The following DOP1B variants were observed in gnomAD, a reference collection of about 807,000 sequenced individuals.
The protein encoded by DOP1B is protein DOP1B.
A neutral mutation model predicts 233.5 loss-of-function variants in DOP1B; 174 were observed. The observed-to-expected ratio is 0.75, with a 90% CI of 0.66 to 0.85. DOP1B has a LOEUF of 0.85. Ranked by LOEUF, DOP1B falls within the 40% of genes least tolerant of loss-of-function variation. The pLI, the probability that DOP1B is intolerant of heterozygous loss-of-function variation, is 0.00. For missense variants in DOP1B, 2,652 were observed against 2,846.6 expected (o/e 0.93, Z 1.56); for synonymous variants, 1,190 against 1,185.6 (o/e 1.00, Z -0.08).
rs1601482701 is a variant in DOP1B, at chr21:36,284,230, A to G, written c.6160+2619A>G. Among the ~76,000 whole-genome samples, 4 of 144,908 alleles carry G rather than the reference A, an allele frequency of 2.8e-5. No individual in the cohort carries two copies. In the South Asian group the frequency reaches 8.7e-4, roughly 32 times the overall value. On this transcript the variant is annotated intron_variant, in intron 32 of 36. Coordinates refer to ENST00000691173, the MANE Select transcript of DOP1B (RefSeq NM_001320714.2). The stretch of plus-strand genomic sequence containing the variant: ...CTCCCAAAGTGCTGGGATTACAGGC[A>G]TGAGCCACCGTGGCCAACCACCTGT...
chr21:36,227,997 A>G lies in DOP1B; in HGVS notation c.1665+120A>G. 4 of 982,454 alleles carry G rather than the reference A, an allele frequency of 4.1e-6. No individual in the cohort carries two copies. The South Asian group carries it at 8.7e-5, about 21-fold the overall frequency. The allele number at this position is 982,454 out of a possible 1,614,324, so 60.9% of individuals were successfully genotyped here. On this transcript the variant is annotated intron_variant, in intron 13 of 36. Transcript: ENST00000691173. ...ATAAAGATGAGAAGATACCCAGGTG[A>G]TATGTCAAATATGCTTGTAAAACCC... is the stretch of plus-strand genomic sequence containing the variant.
chr21:36,228,387 T>C (rs12627576), intron 13 of DOP1B, among the ~76,000 whole-genome samples: 51,317 of 150,518 alleles, frequency 0.34, 9,923 homozygotes, highest in East Asian at 0.55. Flanking sequence ...CTCTTGAACC[T>C]GGGAGGCGGA....
At chr21:36,288,300 CAG>C (rs2067512636) in intron 33 of DOP1B, 150 bp downstream of exon 33, 1 of 739,606 alleles carries the variant, frequency 1.4e-6, no homozygotes, top group Non-Finnish European at 2.1e-6. Context: ...CTTGGTTAAA[CAG>C]AGAATATTTT....
At chr21:36,278,576 G>C (rs892244192) in intron 30 of DOP1B, among the ~76,000 whole-genome samples, 1 of 152,070 alleles carries the variant, frequency 6.6e-6, no homozygotes, top group Non-Finnish European at 1.5e-5. Flanking sequence ...CAGAGAGCAT[G>C]TTATTTCCTG....
chr21:36,218,550 TAAAAA>T (rs1012781829), intron 9 of DOP1B, among the ~76,000 whole-genome samples: 3 of 151,858 alleles, frequency 2.0e-5, no homozygotes, highest in Non-Finnish European at 4.4e-5. Flanking sequence ...AATTCTATCT[TAAAAA>T]AAATACACAG....
At chr21:36,182,665 C>G (rs2066114232) in intron 2 of DOP1B, among the ~76,000 whole-genome samples, 1 of 152,116 alleles carries the variant, frequency 6.6e-6, no homozygotes, top group East Asian at 1.9e-4. Flanking sequence ...CCCATCTCTA[C>G]AAAAAAAGTT....
At chr21:36,158,851 G>A (rs1376586731) in intron 1 of DOP1B, among the ~76,000 whole-genome samples, 2 of 151,578 alleles carry the variant, frequency 1.3e-5, no homozygotes, top group Non-Finnish European at 2.9e-5. Flanking sequence ...CATAAGGCCA[G>A]GTGCAGTGGC....
In DOP1B at chr21:36,237,411, C is replaced by A. The variant is rs370218700; in HGVS notation, c.2772C>A (p.Asp924Glu). The A allele has an allele frequency of 4.3e-6, 7 of 1,613,852 alleles. No homozygotes were observed. Among genetic ancestry groups the A allele is most frequent in the Non-Finnish European group, 5.9e-6 (7 of 1,180,036 alleles). Residue 924 changes from aspartate to glutamate, a missense_variant, in exon 16 of 37, where the codon GAC (aspartate) becomes GAA (glutamate). Asp to Glu is a conservative substitution (Grantham distance 45). This residue lies in a region of DOP1B where 2,617 missense variants were observed against 2,794.3 expected (regional missense o/e 0.94). Transcript: ENST00000691173. ...TCTGCCATGCCCTCCTGGACCCTGA[C>A]AAGGTGAGCCTTTCTGGCCGCCACC... Reference protein sequence around the residue: ...DIICHALLDPDKGTRLEALFR... With the variant: ...DIICHALLDPEKGTRLEALFR...
intron 5 of DOP1B, among the ~76,000 whole-genome samples, chr21:36,209,517 C>T (rs1601413572): frequency 1.3e-5 from 2 of 152,350 alleles, no homozygotes; most frequent in East Asian, 1.9e-4. Context: ...AGAGGGTCTG[C>T]TGCATTGGCG....
rs777399386 is a variant in DOP1B at position 36,238,677 on chromosome 21, C to T, written c.2852C>T (p.Thr951Ile). The T allele has an allele frequency of 4.3e-5, 69 of 1,614,120 alleles. No homozygotes were observed. The highest frequency in any genetic ancestry group is 5.7e-5 in the Non-Finnish European group (67 of 1,180,054). Residue 951 changes from threonine to isoleucine, a missense_variant, in exon 17 of 37, where the codon ACA becomes ATA. Around this residue, in one of 3 missense-constraint regions of DOP1B, gnomAD observed 2,617 missense variants for 2,794.3 expected, o/e 0.94. Coordinates refer to ENST00000691173, the MANE Select transcript of DOP1B (RefSeq NM_001320714.2). ...AGAGAGATCCAAGGCAGTCGAGTAA[C>T]ATCTCACAATCGCTCCTTTGATAGG... ...LTREIQGSRVTSHNRSFDRSL... is the reference protein window; with the variant it reads ...LTREIQGSRVISHNRSFDRSL...
At chr21:36,177,629 C>T (rs1028030684) in intron 2 of DOP1B, among the ~76,000 whole-genome samples, 2 of 152,054 alleles carry the variant, frequency 1.3e-5, no homozygotes, top group Non-Finnish European at 2.9e-5. Context: ...AGTTACTCGA[C>T]GTATGGATTA....
chr21:36,293,221 G>A (rs895172531), intron 36 of DOP1B, 99 bp from the exon 37 acceptor site: 10 of 1,257,966 alleles, frequency 7.9e-6, no homozygotes, highest in Non-Finnish European at 1.1e-5. Context: ...AAAAAAAAAA[G>A]GACCTTATTT....
chr21:36,200,581 C>A lies in DOP1B; in HGVS notation c.491+80C>A, dbSNP rs1051963375. 4.7e-6 allele frequency: 7 copies of A among 1,480,332 alleles called. No homozygotes were observed. The Admixed American group carries it at 1.7e-4, about 35-fold the overall frequency. 91.7% of individuals were successfully genotyped at this position (1,480,332 alleles called of 1,614,324 possible). On this transcript the variant is annotated intron_variant, in intron 4 of 36. Transcript: ENST00000691173. ...GGAGGGGGCCGGGCGCAGTGGCTCA[C>A]GCCTGTAATCCCAGCACTTTGGAAG...
intron 33 of DOP1B, 129 bp downstream of exon 33, chr21:36,288,279 C>T: frequency 1.1e-6 from 1 of 878,608 alleles, no homozygotes; most frequent in Non-Finnish European, 1.7e-6. Context: ...GTTGGTAGCA[C>T]ATGGTTAGCT....
At chr21:36,161,434 G>A (rs2065868632) in intron 1 of DOP1B, among the ~76,000 whole-genome samples, 2 of 152,160 alleles carry the variant, frequency 1.3e-5, no homozygotes, top group East Asian at 3.8e-4. Context: ...ACTGCACCTG[G>A]CCTAGTTTTA....
chr21:36,227,033 G>A lies in DOP1B; in HGVS notation c.1474-653G>A, dbSNP rs146048492. The stretch of plus-strand genomic sequence containing the variant: ...ACCCTGGCTAACACGGTGAAACCCC[G>A]TCTCTACTAAAAAAAATACAAAAAG... On this transcript the variant is annotated intron_variant, in intron 12 of 36. Coordinates refer to ENST00000691173, the MANE Select transcript of DOP1B (RefSeq NM_001320714.2). 3.1e-3 allele frequency among the ~76,000 whole-genome samples: 451 copies of A among 146,742 alleles called. 1 individual carries two copies. Among genetic ancestry groups the A allele is most frequent in the African/African-American group, 0.011 (417 of 39,612 alleles).
At chr21:36,178,943 T>G (rs544163471) in intron 2 of DOP1B, among the ~76,000 whole-genome samples, 1 of 152,222 alleles carries the variant, frequency 6.6e-6, no homozygotes, top group African/African-American at 2.4e-5. Context: ...AGAAGTTTCC[T>G]CCTGTCCTTT....
intron 2 of DOP1B, among the ~76,000 whole-genome samples, chr21:36,191,623 T>C (rs1255280558): frequency 2.6e-5 from 4 of 152,048 alleles, no homozygotes; most frequent in Non-Finnish European, 5.9e-5. Context: ...TCGTCTCTAC[T>C]AAAAATACAA....
chr21:36,169,950 A>G, intron 2 of DOP1B: 1 of 769,000 alleles, frequency 1.3e-6, no homozygotes, highest in South Asian at 1.3e-5. Context: ...TCTCCACAGT[A>G]GTCATGGCCT....
Sources: allele counts gnomAD v4.1 joint callset (sites outside exome capture counted in the v4.1 genomes callset), GRCh38; gene constraint gnomAD v4.1.1; regional missense constraint gnomAD v4.1.1; transcripts MANE v1.5; gene names NCBI Gene and HGNC (gene_info 2026-07-23, HGNC 2026-07-21).